DDHD1: variants seen among roughly 807,000 people sequenced by gnomAD.
The protein encoded by DDHD1 is phospholipase DDHD1.
DDHD1 carries 49 observed loss-of-function variants against 96.4 expected under a neutral mutation model. The observed-to-expected ratio is 0.51, with a 90% CI of 0.40 to 0.64. The LOEUF is 0.64. DDHD1 is among the 30% of genes least tolerant of loss of function. The probability of loss-of-function intolerance (pLI) is 0.00; values close to 1 mark genes in which losing one functional copy is unlikely to be tolerated. For missense variants in DDHD1, 1,106 were observed against 1,161.2 expected (o/e 0.95, Z 0.69); for synonymous variants, 442 against 446.5 (o/e 0.99, Z 0.13).
chr14:53,139,127 A>C (rs1479708883), intron 1 of DDHD1, among the ~76,000 whole-genome samples: 2 of 150,800 alleles, frequency 1.3e-5, no homozygotes, highest in African/African-American at 4.9e-5. Flanking sequence ...ACAACCACAC[A>C]GGCAAACTAT....
chr14:53,069,919 G>C (rs1432694780), intron 6 of DDHD1, among the ~76,000 whole-genome samples: 1 of 152,154 alleles, frequency 6.6e-6, no homozygotes, highest in Non-Finnish European at 1.5e-5. Flanking sequence ...CTAATTCAAA[G>C]GACTGGGTGT....
chr14:53,139,738 T>C (rs1361889449), intron 1 of DDHD1, among the ~76,000 whole-genome samples: 1 of 151,802 alleles, frequency 6.6e-6, no homozygotes, highest in East Asian at 1.9e-4. Flanking sequence ...CGTGCCTATT[T>C]CTAGGCATAA....
rs1293015219 is a variant in DDHD1 at position 53,073,853 on chromosome 14, A to AAAAC, written c.1290-10_1290-7dup. The AAAAC allele has an allele frequency of 1.9e-6, 3 of 1,606,344 alleles. No individual in the cohort carries two copies. The East Asian group carries it at 6.7e-5, about 36-fold the overall frequency. On this transcript the variant is annotated splice_region_variant and splice_polypyrimidine_tract_variant and intron_variant, in intron 4 of 12. Coordinates refer to ENST00000673822, the MANE Select transcript of DDHD1 (RefSeq NM_001160148.2). The stretch of plus-strand genomic sequence containing the variant: ...TTCTTGCAGCTTCTCTCATCCTAAA[A>AAAAC]AAACAAACAAACAAAAATGCAAACA...
At chr14:53,138,373 G>A (rs552211391) in intron 1 of DDHD1, among the ~76,000 whole-genome samples, 1 of 152,200 alleles carries the variant, frequency 6.6e-6, no homozygotes, top group Non-Finnish European at 1.5e-5. Flanking sequence ...CCGCTGCAGT[G>A]AGCCAAAATT....
At chr14:53,093,522 T>C (rs1886615268) in intron 2 of DDHD1, 78 bp from the exon 3 acceptor site, 2 of 1,545,222 alleles carry the variant, frequency 1.3e-6, no homozygotes, top group Admixed American at 2.2e-5. Flanking sequence ...ACACTCAGAT[T>C]TTAAAATCAA....
intron 4 of DDHD1, among the ~76,000 whole-genome samples, chr14:53,086,680 C>G (rs1885988626): frequency 6.6e-6 from 1 of 152,108 alleles, no homozygotes; most frequent in Non-Finnish European, 1.5e-5. Context: ...ACAACTGGTA[C>G]CAGCCACTGC....
intron 4 of DDHD1, among the ~76,000 whole-genome samples, chr14:53,086,965 T>A (rs1595150217): frequency 6.0e-3 from 90 of 15,088 alleles, no homozygotes; most frequent in East Asian, 0.011. Flanking sequence ...ACCAAGCAAA[T>A]GAAAAGCAAA....
chr14:53,072,785 C>A (rs552569434), intron 5 of DDHD1, 82 bp from the exon 6 acceptor site: 3 of 776,402 alleles, frequency 3.9e-6, no homozygotes, highest in African/African-American at 3.4e-5. Context: ...AATTACGTTG[C>A]CTGAAATAGT....
intron 6 of DDHD1, among the ~76,000 whole-genome samples, chr14:53,063,441 G>T (rs1021832849): frequency 6.6e-6 from 1 of 151,154 alleles, no homozygotes; most frequent in African/African-American, 2.4e-5. Flanking sequence ...AGATCCTTCT[G>T]TAGTCCTTAA....
At chr14:53,126,823 A>C (rs1889477912) in intron 1 of DDHD1, among the ~76,000 whole-genome samples, 2 of 152,182 alleles carry the variant, frequency 1.3e-5, no homozygotes, top group Admixed American at 6.5e-5. Flanking sequence ...AAATGTATTG[A>C]AAGAAAACAA....
At chr14:53,111,051 C>G (rs1888064275) in intron 1 of DDHD1, among the ~76,000 whole-genome samples, 2 of 152,162 alleles carry the variant, frequency 1.3e-5, no homozygotes, top group South Asian at 4.1e-4. Flanking sequence ...TTATTGAAAT[C>G]AAAAGAAGAA....
At position 53,104,504 on chromosome 14, in the gene DDHD1, T is replaced by C. The variant is rs1051193312; in HGVS notation, c.839-648A>G. On this transcript the variant is annotated intron_variant, in intron 1 of 12. Transcript: ENST00000673822. ...TAAAATCCAGACTAGTGTTTAGAAATAGTGTGTGTGGTAGTAGTGTGTGGC... is the reference window on the plus strand; with the variant it reads ...TAAAATCCAGACTAGTGTTTAGAAACAGTGTGTGTGGTAGTAGTGTGTGGC... 3.3e-5 allele frequency among the ~76,000 whole-genome samples: 5 copies of C among 152,100 alleles called. No homozygotes were observed. The East Asian group carries it at 7.7e-4, about 23-fold the overall frequency.
chr14:53,085,188 G>T (rs928785791), intron 4 of DDHD1, among the ~76,000 whole-genome samples: 2 of 152,198 alleles, frequency 1.3e-5, no homozygotes, highest in African/African-American at 4.8e-5. Flanking sequence ...TCCACCTCTG[G>T]GGGCAGGGCA....
intron 1 of DDHD1, among the ~76,000 whole-genome samples, chr14:53,125,428 T>A (rs1392949731): frequency 6.6e-6 from 1 of 152,196 alleles, no homozygotes; most frequent in Non-Finnish European, 1.5e-5. Context: ...CTAAATAAAA[T>A]GGAGTATACA....
chr14:53,088,064 AGAAGAAATGGATAAATTCCTG>A (rs1886130827), intron 4 of DDHD1, among the ~76,000 whole-genome samples: 1 of 152,256 alleles, frequency 6.6e-6, no homozygotes, highest in South Asian at 2.1e-4. Flanking sequence ...CAGAAAATCT[AGAAGAAATGGATAAATTCCTG>A]GACACATACA....
intron 1 of DDHD1, among the ~76,000 whole-genome samples, chr14:53,118,966 T>G (rs10139446): frequency 1.3e-5 from 2 of 152,064 alleles, no homozygotes; most frequent in Non-Finnish European, 2.9e-5. Context: ...GCGGATCTCT[T>G]GGCAGAAACT....
intron 4 of DDHD1, among the ~76,000 whole-genome samples, chr14:53,086,315 C>A (rs1885946782): frequency 6.6e-6 from 1 of 152,126 alleles, no homozygotes; most frequent in Admixed American, 6.5e-5. Flanking sequence ...CACAAAGATA[C>A]TCCTCGAGAA....
At position 53,063,212 on chromosome 14, in the gene DDHD1, G is replaced by C; in HGVS notation, c.1504-7C>G. 1 of 1,610,506 alleles carries C rather than the reference G, an allele frequency of 6.2e-7. No individual in the cohort carries two copies. The highest frequency in any genetic ancestry group is 8.5e-7 in the Non-Finnish European group (1 of 1,178,976). ...GCTGAAGGCCTTTAACTAGCTGTTTGAAATAAGAAAACATTATCATATTAG... is the reference window on the plus strand; with the variant it reads ...GCTGAAGGCCTTTAACTAGCTGTTTCAAATAAGAAAACATTATCATATTAG... On this transcript the variant is annotated splice_polypyrimidine_tract_variant and splice_region_variant and intron_variant, in intron 6 of 12. Coordinates refer to ENST00000673822, the MANE Select transcript of DDHD1 (RefSeq NM_001160148.2).
intron 4 of DDHD1, among the ~76,000 whole-genome samples, chr14:53,074,203 C>T (rs562997343): frequency 3.1e-4 from 47 of 151,954 alleles, no homozygotes; most frequent in African/African-American, 1.1e-3. Context: ...TCATCTATTG[C>T]TCTCTTCATC....
Sources: allele counts gnomAD v4.1 joint callset (sites outside exome capture counted in the v4.1 genomes callset), GRCh38; gene constraint gnomAD v4.1.1; transcripts MANE v1.5; gene names NCBI Gene and HGNC (gene_info 2026-07-23, HGNC 2026-07-21).